ZNF462: variants seen among roughly 807,000 people sequenced by gnomAD.
ZNF462 encodes zinc finger PBX1-interacting protein.
ZNF462 carries 10 observed loss-of-function variants against 201.9 expected under a neutral mutation model. The observed-to-expected ratio is 0.05, with a 90% confidence interval of 0.03 to 0.08. The LOEUF is 0.08. ZNF462 is among the 10% of genes least tolerant of loss of function. The pLI is 1.00. For missense variants in ZNF462, 2,523 were observed against 3,168.3 expected, an observed-to-expected ratio of 0.80 and a Z score of 4.89; for synonymous variants, 1,227 against 1,193.3, an observed-to-expected ratio of 1.03 and a Z score of -0.58.
chr9:106,941,462 T>TAA (rs1830865927), intron 7 of ZNF462, among the ~76,000 whole-genome samples: 1 of 152,174 alleles, frequency 6.6e-6, no homozygotes, highest in Admixed American at 6.5e-5. Context: ...ATAACATAGA[T>TAA]ATTCTGTTTT....
Position 106,873,222 on chromosome 9 carries a change from T to G in ZNF462, c.-31+9867T>G, listed in dbSNP as rs543030234. The stretch of plus-strand genomic sequence containing the variant: ...GTAATATATTATTTGATATGAGAGA[T>G]ATAACTTATTGCAATAGCTTGAGGA... On this transcript the variant is annotated intron_variant, in intron 1 of 12. Coordinates refer to ENST00000277225, the MANE Select transcript of ZNF462 (RefSeq NM_021224.6). Among the ~76,000 whole-genome samples the G allele has an allele frequency of 4.5e-4, 69 of 152,322 alleles. 1 individual carries two copies. Among genetic ancestry groups the G allele is most frequent in the Admixed American group, 4.3e-3 (66 of 15,308 alleles).
chr9:106,984,371 A>G lies in ZNF462; in HGVS notation c.7018A>G (p.Thr2340Ala). 1.9e-6 allele frequency: 3 copies of G among 1,614,006 alleles called. No individual in the cohort carries two copies. Among genetic ancestry groups the G allele is most frequent in the Non-Finnish European group, 2.5e-6 (3 of 1,179,938 alleles). ...GCTCTGCTACTATGAGACCAAGCAC[A>G]CGGAGGAACTGGACAGCCACCTTCG... ...CQLCYYETKH[T>A]EELDSHLRDE... Residue 2340 changes from threonine (T) to alanine (A), a missense_variant, in exon 10 of 13, where the codon ACG (threonine) becomes GCG (alanine). Physicochemically the swap from Thr to Ala is moderately conservative, Grantham distance 58 (BLOSUM62 0). This residue lies in a region of ZNF462 where 228 missense variants were observed against 361.2 expected (regional missense o/e 0.63). Transcript: ENST00000277225. This position sits in a 1 kb window ranked among gnomAD's most constrained non-coding sequence, Gnocchi z 6.4.
chr9:106,984,442 C>T lies in ZNF462; in HGVS notation c.7056+33C>T, dbSNP rs577760944. 110 of 1,576,076 alleles carry T rather than the reference C, an allele frequency of 7.0e-5. 2 individuals are homozygous for T. In the South Asian group the frequency reaches 1.2e-3, roughly 17 times the overall value. Reference sequence around the variant, plus strand: ...CCAGGACTTCCTGCTCCCGCCTCAGCACACTTGTGGGGAGGGGCCAAGGGG... The same window carrying T: ...CCAGGACTTCCTGCTCCCGCCTCAGTACACTTGTGGGGAGGGGCCAAGGGG... On this transcript the variant is annotated intron_variant, in intron 10 of 12. Coordinates refer to ENST00000277225, the MANE Select transcript of ZNF462 (RefSeq NM_021224.6). This position sits in a 1 kb window ranked among gnomAD's most constrained non-coding sequence, Gnocchi z 6.4.
rs148772622 is a variant in ZNF462 at position 106,974,260 on chromosome 9, C to T, written c.6819C>T (p.Ile2273=). The T allele has an allele frequency of 2.0e-4, 325 of 1,614,154 alleles. 1 individual carries two copies. Among genetic ancestry groups the T allele is most frequent in the Middle Eastern group, 1.6e-4 (1 of 6,062 alleles). The part of the protein sequence containing the change: ...TKYKRNMIDH[I]VLHREERVVP... ...ACAAGCGCAACATGATTGACCACATCGTGCTGCACCGAGGTAACCTTTCTA... is the reference window on the plus strand; with the variant it reads ...ACAAGCGCAACATGATTGACCACATTGTGCTGCACCGAGGTAACCTTTCTA... Residue 2273 remains isoleucine (I), a synonymous_variant, in exon 9 of 13, where the codon ATC becomes ATT. Coordinates refer to ENST00000277225, the MANE Select transcript of ZNF462 (RefSeq NM_021224.6). This position sits in a 1 kb window ranked among gnomAD's most constrained non-coding sequence, Gnocchi z 4.0.
chr9:106,955,331 AGTT>A lies in ZNF462; in HGVS notation c.6427+16225_6427+16227del, dbSNP rs1831526273. On this transcript the variant is annotated intron_variant, in intron 7 of 12. Coordinates refer to ENST00000277225, the MANE Select transcript of ZNF462 (RefSeq NM_021224.6). Reference sequence around the variant, plus strand: ...AAAAGTCATGTTTACACTATACTGTAGTTTACTAAGTATACAATAGCATTATGT... The same window carrying A: ...AAAAGTCATGTTTACACTATACTGTATACTAAGTATACAATAGCATTATGT... Among the ~76,000 whole-genome samples the A allele has an allele frequency of 1.2e-4, 18 of 152,324 alleles. No individual in the cohort carries two copies. The South Asian group carries it at 3.7e-3, about 32-fold the overall frequency.
chr9:106,893,287 T>C (rs1198951778), intron 1 of ZNF462, among the ~76,000 whole-genome samples: 1 of 152,172 alleles, frequency 6.6e-6, no homozygotes, highest in Non-Finnish European at 1.5e-5. Flanking sequence ...CAGTACACCA[T>C]GGATGACTCA....
intron 1 of ZNF462, among the ~76,000 whole-genome samples, chr9:106,863,941 C>T (rs972340593): frequency 6.6e-6 from 1 of 152,048 alleles, no homozygotes; most frequent in African/African-American, 2.4e-5. Context: ...CTCTTTCTTT[C>T]TCTGTCCCTC....
Position 106,865,521 on chromosome 9 carries a change from G to A in ZNF462, c.-31+2166G>A, listed in dbSNP as rs150702041. 2.0e-5 allele frequency among the ~76,000 whole-genome samples: 3 copies of A among 152,308 alleles called. No homozygotes were observed. In the East Asian group the frequency reaches 5.8e-4, roughly 29 times the overall value. ...CTGCAAGATCTCAGAGGAACTCTAA[G>A]ACTGGCTAACACCAGTTTCTCCAGG... On this transcript the variant is annotated intron_variant, in intron 1 of 12. Coordinates refer to ENST00000277225, the MANE Select transcript of ZNF462 (RefSeq NM_021224.6). This position sits in a 1 kb window ranked among gnomAD's most constrained non-coding sequence, Gnocchi z 4.1.
chr9:106,992,501 TAAATA>T (rs1828365369), intron 10 of ZNF462, among the ~76,000 whole-genome samples: 1 of 152,040 alleles, frequency 6.6e-6, no homozygotes, highest in African/African-American at 2.4e-5. Context: ...AATGGATGGA[TAAATA>T]AAATACGGCG....
intron 9 of ZNF462, chr9:106,976,462 A>G (rs532959184): frequency 1.1e-4 from 17 of 152,308 alleles, no homozygotes; most frequent in African/African-American, 4.1e-4. Context: ...CCCATCATAA[A>G]TACAATAGTA....
Position 106,927,537 on chromosome 9 carries a change from C to T in ZNF462, c.3625C>T (p.Leu1209Phe). The T allele has an allele frequency of 6.2e-7, 1 of 1,613,852 alleles. No individual in the cohort carries two copies. Among genetic ancestry groups the T allele is most frequent in the Non-Finnish European group, 8.5e-7 (1 of 1,179,986 alleles). The change falls in exon 3 of 13, where the codon CTC becomes TTC. Residue 1209 changes from leucine (L) to phenylalanine (F), a missense_variant. Coordinates refer to ENST00000277225, the MANE Select transcript of ZNF462 (RefSeq NM_021224.6). ...DYGNRTVKGV[L>F]IHYQKKHRDF... ...TGGGAACCGGACGGTCAAAGGGGTA[C>T]TCATTCATTATCAGAAGAAGCACCG...
rs975204585 is a variant in ZNF462, at chr9:106,902,252, G to A, written c.-30-21102G>A. On this transcript the variant is annotated intron_variant, in intron 1 of 12. Transcript: ENST00000277225. This position sits in a 1 kb window ranked among gnomAD's most constrained non-coding sequence, Gnocchi z 4.2. The stretch of plus-strand genomic sequence containing the variant: ...GACTCATGTATGTTAAACCATCCCT[G>A]CATCCCTGGTATGAAACCCACTTGA... Among the ~76,000 whole-genome samples the A allele has an allele frequency of 3.3e-5, 5 of 152,124 alleles. No homozygotes were observed. The highest frequency in any genetic ancestry group is 2.6e-4 in the Admixed American group (4 of 15,272).
chr9:106,945,142 C>T (rs1831049519), intron 7 of ZNF462, among the ~76,000 whole-genome samples: 1 of 152,062 alleles, frequency 6.6e-6, no homozygotes, highest in African/African-American at 2.4e-5. Context: ...ATATGGAATA[C>T]TCCTAGATGT....
chr9:106,927,678 G>C lies in ZNF462; in HGVS notation c.3766G>C (p.Glu1256Gln), dbSNP rs1830255694. The C allele has an allele frequency of 6.2e-7, 1 of 1,613,902 alleles. No homozygotes were observed. Among genetic ancestry groups the C allele is most frequent in the South Asian group, 1.1e-5 (1 of 91,068 alleles). The change falls in exon 3 of 13, where the codon GAG becomes CAG. Residue 1256 changes from glutamate (E) to glutamine (Q), a missense_variant. Around this residue, in one of 15 missense-constraint regions of ZNF462, gnomAD observed 222 missense variants for 271.6 expected, o/e 0.82. Transcript: ENST00000277225. Reference sequence around the variant, plus strand: ...CGTGCTTGTCTCCCCCTCTAATCTGGAGCGGGACAAAACGAAACTCCGAGC... The same window carrying C: ...CGTGCTTGTCTCCCCCTCTAATCTGCAGCGGGACAAAACGAAACTCCGAGC... ...SCVLVSPSNL[E>Q]RDKTKLRALK...
chr9:106,998,970 G>A (rs1828956530), intron 10 of ZNF462, among the ~76,000 whole-genome samples: 1 of 152,112 alleles, frequency 6.6e-6, no homozygotes, highest in Admixed American at 6.6e-5. Context: ...GGCCTTCACA[G>A]GGGACCTTGA....
chr9:106,913,445 A>G lies in ZNF462; in HGVS notation c.-30-9909A>G, dbSNP rs1356886434. 1.3e-5 allele frequency among the ~76,000 whole-genome samples: 2 copies of G among 152,166 alleles called. No homozygotes were observed. The highest frequency in any genetic ancestry group is 6.5e-5 in the Admixed American group (1 of 15,282). On this transcript the variant is annotated intron_variant, in intron 1 of 12. Coordinates refer to ENST00000277225, the MANE Select transcript of ZNF462 (RefSeq NM_021224.6). The surrounding 1 kb of genome is among the most constrained non-coding windows in gnomAD (Gnocchi z 4.1). ...GACTTATGCCGGGCCCTGGGGATATAAGAATAAAAAAGAACGTATTACTTG... is the reference window on the plus strand; with the variant it reads ...GACTTATGCCGGGCCCTGGGGATATGAGAATAAAAAAGAACGTATTACTTG...
intron 1 of ZNF462, among the ~76,000 whole-genome samples, chr9:106,896,110 C>T (rs1828800672): frequency 6.6e-6 from 1 of 152,116 alleles, no homozygotes; most frequent in African/African-American, 2.4e-5. Context: ...TGGAATTCTT[C>T]ATTGTCTGAT....
intron 10 of ZNF462, among the ~76,000 whole-genome samples, chr9:106,985,051 C>T (rs998413374): frequency 1.3e-5 from 2 of 152,020 alleles, no homozygotes; most frequent in Non-Finnish European, 2.9e-5. Flanking sequence ...GTGGAGGTTG[C>T]AGTGAAGTGA....
rs1258300846 is a variant in ZNF462 at position 106,925,944 on chromosome 9, A to G, written c.2032A>G (p.Lys678Glu). 1 of 1,614,168 alleles carries G rather than the reference A, an allele frequency of 6.2e-7. No individual in the cohort carries two copies. The highest frequency in any genetic ancestry group is 8.5e-7 in the Non-Finnish European group (1 of 1,180,028). ...KNNFVAKASRKLANDFPLDLS... is the reference protein window; with the variant it reads ...KNNFVAKASRELANDFPLDLS... Reference sequence around the variant, plus strand: ...CAATTTTGTAGCTAAAGCCTCTAGGAAGCTCGCCAATGACTTTCCTCTAGA... The same window carrying G: ...CAATTTTGTAGCTAAAGCCTCTAGGGAGCTCGCCAATGACTTTCCTCTAGA... The change falls in exon 3 of 13, where the codon AAG (lysine) becomes GAG (glutamate). Residue 678 changes from lysine (K) to glutamate (E), a missense_variant. Lys to Glu is a moderately conservative substitution (Grantham distance 56). This residue lies in a region of ZNF462 where 383 missense variants were observed against 453.4 expected (regional missense o/e 0.84). Transcript: ENST00000277225. This position sits in a 1 kb window ranked among gnomAD's most constrained non-coding sequence, Gnocchi z 7.9.
Sources: allele counts gnomAD v4.1 joint callset (sites outside exome capture counted in the v4.1 genomes callset), GRCh38; gene constraint gnomAD v4.1.1; regional missense constraint gnomAD v4.1.1; non-coding constraint Gnocchi (gnomAD v3.1); transcripts MANE v1.5; gene names NCBI Gene and HGNC (gene_info 2026-07-23, HGNC 2026-07-21).